The following ME3 variants were observed in gnomAD, a reference collection of about 807,000 sequenced individuals.
The protein encoded by ME3 is malic enzyme 3, also known as NADP-dependent malic enzyme, mitochondrial.
Under a neutral mutation model 68.9 loss-of-function variants are expected in ME3, and 48 were observed. That is an observed-to-expected ratio of 0.70 (90% CI 0.55 to 0.89). The LOEUF (loss-of-function observed/expected upper bound fraction) is 0.89, where lower values mean the gene tolerates loss of function less well. Among genes scored for constraint, ME3 ranks in the 40% least tolerant of loss-of-function variants. The pLI is 0.00. For synonymous variants in ME3, 320 were observed against 318.8 expected (o/e 1.00, Z -0.04); for missense variants, 675 against 797.4 (o/e 0.85, Z 1.85).
chr11:86,672,133 C>T (rs1946995294), intron 1 of ME3, 175 bp from the exon 2 acceptor site: 3 of 534,660 alleles, frequency 5.6e-6, no homozygotes, highest in Non-Finnish European at 3.0e-6. Flanking sequence ...CTCGGCTCCG[C>T]GCGGGGCGCC....
At chr11:86,478,326 A>C (rs1387900289) in intron 7 of ME3, among the ~76,000 whole-genome samples, 1 of 3,282 alleles carries the variant, frequency 3.0e-4, no homozygotes, top group Non-Finnish European at 1.1e-3. Context: ...CTAAGGACCA[A>C]AAAAAAAAAA....
intron 8 of ME3, among the ~76,000 whole-genome samples, chr11:86,459,763 T>A (rs1220796278): frequency 1.3e-5 from 2 of 152,172 alleles, no homozygotes; most frequent in African/African-American, 4.8e-5. Context: ...AATGTCTGAT[T>A]GTTAAGCATT....
intron 12 of ME3, 53 bp downstream of exon 12, chr11:86,447,009 CATT>C: frequency 9.5e-6 from 15 of 1,586,182 alleles, no homozygotes; most frequent in Non-Finnish European, 1.3e-5. Context: ...TGAGGTTACT[CATT>C]GTAATTGTTA....
rs563738961 is a variant in ME3 at position 86,617,045 on chromosome 11, GTTTT to G, written c.183+54713_183+54716del. 8.8e-3 allele frequency among the ~76,000 whole-genome samples: 495 copies of G among 56,222 alleles called. 9 individuals carry two copies. Among genetic ancestry groups the G allele is most frequent in the Middle Eastern group, 0.026 (1 of 38 alleles). 36.9% of individuals were successfully genotyped at this position (56,222 alleles called of 152,430 possible). ...ACATCTAAAATACTCCAAGATAGTA[GTTTT>G]TTTTTTTTTTTTTTTTTTTTTTTTT... On this transcript the variant is annotated intron_variant, in intron 2 of 14. Transcript: ENST00000543262.
intron 4 of ME3, 27 bp from the exon 5 acceptor site, chr11:86,508,894 A>G (rs1953290905): frequency 6.4e-7 from 1 of 1,571,594 alleles, no homozygotes; most frequent in East Asian, 2.2e-5. Flanking sequence ...ACGTACACAC[A>G]GAGAAACCAG....
intron 2 of ME3, among the ~76,000 whole-genome samples, chr11:86,659,140 TCA>T (rs759843485): frequency 1.3e-4 from 20 of 152,332 alleles, no homozygotes; most frequent in Middle Eastern, 3.4e-3. Context: ...AACTGGGAAC[TCA>T]CACAGTCATC....
chr11:86,464,528 C>T (rs1950380572), intron 8 of ME3, among the ~76,000 whole-genome samples: 2 of 152,210 alleles, frequency 1.3e-5, no homozygotes, highest in African/African-American at 4.8e-5. Flanking sequence ...TTATGAGCAA[C>T]AAACACTTCA....
intron 3 of ME3, 21 bp downstream of exon 3, chr11:86,559,669 G>A (rs779538446): frequency 1.2e-6 from 2 of 1,604,070 alleles, no homozygotes; most frequent in South Asian, 1.1e-5. Context: ...CAGACAGAGA[G>A]AACAGACACT....
At chr11:86,627,353 AC>A (rs1943727144) in intron 2 of ME3, among the ~76,000 whole-genome samples, 1 of 152,204 alleles carries the variant, frequency 6.6e-6, no homozygotes, top group Admixed American at 6.5e-5. Context: ...TCCTTTCTGT[AC>A]CATGGGTATA....
intron 2 of ME3, among the ~76,000 whole-genome samples, chr11:86,638,161 T>C (rs73526086): frequency 0.095 from 14,405 of 152,148 alleles, 702 homozygotes; most frequent in South Asian, 0.13. Context: ...TAAACCCAAG[T>C]GGCTTTTCAT....
At chr11:86,562,782 A>G (rs1430848100) in intron 2 of ME3, among the ~76,000 whole-genome samples, 1 of 151,882 alleles carries the variant, frequency 6.6e-6, no homozygotes, top group Non-Finnish European at 1.5e-5. Flanking sequence ...GGTAGTGTGC[A>G]TAGTACCTGA....
intron 2 of ME3, among the ~76,000 whole-genome samples, chr11:86,661,866 TG>T (rs1207602459): frequency 9.9e-6 from 1 of 101,320 alleles, no homozygotes; most frequent in East Asian, 3.1e-4. Flanking sequence ...TGTATTGTAT[TG>T]TATTGTATTG....
At chr11:86,474,879 T>C (rs1950973045) in intron 7 of ME3, among the ~76,000 whole-genome samples, 1 of 152,262 alleles carries the variant, frequency 6.6e-6, no homozygotes, top group Admixed American at 6.5e-5. Context: ...GAATTTCCCT[T>C]GTAGTTTATA....
intron 2 of ME3, among the ~76,000 whole-genome samples, chr11:86,582,671 T>C (rs1360425274): frequency 6.6e-6 from 1 of 152,134 alleles, no homozygotes; most frequent in Non-Finnish European, 1.5e-5. Context: ...TAATTATCTA[T>C]TAATGTTAGT....
At chr11:86,656,678 A>G (rs1307689092) in intron 2 of ME3, among the ~76,000 whole-genome samples, 1 of 152,098 alleles carries the variant, frequency 6.6e-6, no homozygotes, top group Non-Finnish European at 1.5e-5. Flanking sequence ...CAGCACACCA[A>G]CATGGCACAT....
chr11:86,664,102 TG>T (rs1227083716), intron 2 of ME3, among the ~76,000 whole-genome samples: 1 of 152,222 alleles, frequency 6.6e-6, no homozygotes, highest in African/African-American at 2.4e-5. Context: ...ATGTTACAGA[TG>T]GGCCAGCTTC....
chr11:86,443,052 G>C (rs1949092955), intron 13 of ME3, 133 bp from the exon 14 acceptor site: 2 of 626,738 alleles, frequency 3.2e-6, no homozygotes, highest in Non-Finnish European at 2.8e-6. Context: ...TGTTGACTCT[G>C]TTACCAGGGA....
Position 86,593,186 on chromosome 11 carries a change from C to T in ME3, c.184-33363G>A, listed in dbSNP as rs1197925206. Among the ~76,000 whole-genome samples the T allele has an allele frequency of 1.4e-5, 2 of 147,682 alleles. 1 individual carries two copies. Among genetic ancestry groups the T allele is most frequent in the Non-Finnish European group, 3.0e-5 (2 of 67,328 alleles). ...AATGAATGTGGAAGACCCATGATTT[C>T]CTCCACCCTCCTTCACTCACATAGT... On this transcript the variant is annotated intron_variant, in intron 2 of 14. Transcript: ENST00000543262.
At chr11:86,655,812 A>G (rs1194861739) in intron 2 of ME3, among the ~76,000 whole-genome samples, 2 of 152,100 alleles carry the variant, frequency 1.3e-5, no homozygotes, top group South Asian at 2.1e-4. Flanking sequence ...TGAACAGGCA[A>G]CCTACAAAAT....
Sources: allele counts gnomAD v4.1 joint callset (sites outside exome capture counted in the v4.1 genomes callset), GRCh38; gene constraint gnomAD v4.1.1; transcripts MANE v1.5; gene names NCBI Gene and HGNC (gene_info 2026-07-23, HGNC 2026-07-21).